Variants in SCNN1B observed in about 807,000 individuals in gnomAD.
SCNN1B encodes the protein epithelial sodium channel subunit beta.
In SCNN1B, 46 loss-of-function variants were observed where a neutral mutation model predicts 65.3. The observed-to-expected ratio is 0.70, with a 90% CI of 0.56 to 0.90. The LOEUF (loss-of-function observed/expected upper bound fraction) is 0.90, where lower values mean the gene tolerates loss of function less well. Ranked by LOEUF, SCNN1B falls within the 40% of genes least tolerant of loss-of-function variation. SCNN1B has a pLI of 0.00. For missense variants in SCNN1B, 751 were observed against 830.5 expected (o/e 0.90, Z 1.18); for synonymous variants, 349 against 330.6 (o/e 1.06, Z -0.60).
chr16:23,333,187 A>T, intron 1 of SCNN1B, among the ~76,000 whole-genome samples: 1 of 138,608 alleles, frequency 7.2e-6, no homozygotes, highest in East Asian at 2.2e-4. Context: ...GGAAGGAAGG[A>T]AGGAAGGAAG....
intron 1 of SCNN1B, among the ~76,000 whole-genome samples, chr16:23,321,700 C>T (rs554547089): frequency 5.3e-5 from 8 of 152,250 alleles, no homozygotes; most frequent in Admixed American, 1.3e-4. Context: ...TTAGGTACTC[C>T]GCGGACGGTG....
intron 1 of SCNN1B, among the ~76,000 whole-genome samples, chr16:23,324,629 C>T (rs1440234035): frequency 6.6e-6 from 1 of 152,186 alleles, no homozygotes; most frequent in African/African-American, 2.4e-5. Flanking sequence ...TGACTCTATT[C>T]TGGAATACCG....
At chr16:23,361,016 G>C (rs1962543183) in intron 4 of SCNN1B, among the ~76,000 whole-genome samples, 1 of 152,014 alleles carries the variant, frequency 6.6e-6, no homozygotes, top group South Asian at 2.1e-4. Context: ...GGATGGTCTT[G>C]ATCTCCTGAC....
chr16:23,292,474 G>A (rs1960939989), intron 2 of SCNN1B, among the ~76,000 whole-genome samples: 1 of 151,810 alleles, frequency 6.6e-6, no homozygotes, highest in Non-Finnish European at 1.5e-5. Flanking sequence ...TGGGATTACA[G>A]GCATAAGCCA....
intron 1 of SCNN1B, among the ~76,000 whole-genome samples, chr16:23,333,144 AGG>A (rs1337516829): frequency 7.9e-4 from 90 of 113,996 alleles, no homozygotes; most frequent in Middle Eastern, 4.4e-3. Flanking sequence ...GGAGGAAGGA[AGG>A]AAAGAAGGAA....
intron 4 of SCNN1B, among the ~76,000 whole-genome samples, chr16:23,359,740 G>A (rs937675116): frequency 6.6e-6 from 1 of 152,190 alleles, no homozygotes; most frequent in African/African-American, 2.4e-5. Flanking sequence ...TGTCAGCTCA[G>A]TATGTGACTG....
chr16:23,300,376 G>A (rs1393554952), upstream of SCNN1B, among the ~76,000 whole-genome samples: 3 of 151,902 alleles, frequency 2.0e-5, no homozygotes, highest in Admixed American at 6.6e-5. Flanking sequence ...AAAAAGCAAT[G>A]GTGGGTCAAG....
At chr16:23,289,142 G>A (rs897044500) in intron 2 of SCNN1B, among the ~76,000 whole-genome samples, 5 of 152,180 alleles carry the variant, frequency 3.3e-5, no homozygotes, top group Admixed American at 1.3e-4. Flanking sequence ...ATCACTGGGG[G>A]CACCTTAGAG....
intron 1 of SCNN1B, among the ~76,000 whole-genome samples, chr16:23,320,393 T>C (rs749097143): frequency 6.6e-6 from 1 of 152,176 alleles, no homozygotes; most frequent in African/African-American, 2.4e-5. Flanking sequence ...CAGCTCTGCA[T>C]TGACTCTCCC....
upstream of SCNN1B, among the ~76,000 whole-genome samples, chr16:23,297,571 T>G (rs1961015861): frequency 6.6e-6 from 1 of 152,224 alleles, no homozygotes; most frequent in Non-Finnish European, 1.5e-5. Context: ...AATGCATTAT[T>G]ATACAGCCTC....
chr16:23,349,483 A>G (rs1262498414), intron 2 of SCNN1B, among the ~76,000 whole-genome samples: 1 of 152,196 alleles, frequency 6.6e-6, no homozygotes, highest in African/African-American at 2.4e-5. Flanking sequence ...AAAAATAATT[A>G]ATTAAAAATA....
At chr16:23,322,751 T>A (rs866932918) in intron 1 of SCNN1B, among the ~76,000 whole-genome samples, 23 of 152,096 alleles carry the variant, frequency 1.5e-4, no homozygotes, top group South Asian at 2.1e-4. Flanking sequence ...GATTTGTGAG[T>A]TTTTAAATGC....
At chr16:23,306,536 A>G (rs1297459979) in intron 1 of SCNN1B, among the ~76,000 whole-genome samples, 1 of 104,502 alleles carries the variant, frequency 9.6e-6, no homozygotes, top group Non-Finnish European at 1.7e-5. Context: ...GAACATAAGT[A>G]AGGGAGGGAG....
Position 23,371,294 on chromosome 16 carries a change from C to T in SCNN1B, c.881-5C>T. On this transcript the variant is annotated splice_region_variant and splice_polypyrimidine_tract_variant and intron_variant, in intron 5 of 12. Coordinates refer to ENST00000343070, the MANE Select transcript of SCNN1B (RefSeq NM_000336.3). ...CAGGCAGCCCTCACCCCACCCTCCC[C>T]ACAGGCCTGAAGTTGATCCTGGACA... 1 of 1,614,022 alleles carries T rather than the reference C, an allele frequency of 6.2e-7. No homozygotes were observed. Among genetic ancestry groups the T allele is most frequent in the East Asian group, 2.2e-5 (1 of 44,870 alleles).
chr16:23,291,769 C>T (rs964485213), intron 2 of SCNN1B, among the ~76,000 whole-genome samples: 20 of 147,848 alleles, frequency 1.4e-4, no homozygotes, highest in Non-Finnish European at 2.4e-4. Context: ...TTAGTAGAGA[C>T]GGGGTTTCAC....
intron 2 of SCNN1B, among the ~76,000 whole-genome samples, chr16:23,349,596 C>A (rs1461523134): frequency 1.3e-5 from 2 of 151,952 alleles, no homozygotes; most frequent in Non-Finnish European, 1.5e-5. Context: ...CCTTGGGCAC[C>A]CTCTGTCTTC....
chr16:23,291,068 C>CA (rs1386734611), intron 2 of SCNN1B, among the ~76,000 whole-genome samples: 3 of 133,276 alleles, frequency 2.3e-5, no homozygotes, highest in East Asian at 2.2e-4. Flanking sequence ...ATTTTTTTTT[C>CA]TTTTTTTTTT....
intron 1 of SCNN1B, among the ~76,000 whole-genome samples, chr16:23,318,868 T>C (rs1305472744): frequency 6.6e-6 from 1 of 152,200 alleles, no homozygotes; most frequent in Non-Finnish European, 1.5e-5. Flanking sequence ...CCTGAAGTCT[T>C]TGGCCTAGGG....
chr16:23,362,247 A>G (rs1962568108), intron 4 of SCNN1B, among the ~76,000 whole-genome samples: 1 of 151,816 alleles, frequency 6.6e-6, no homozygotes, highest in Non-Finnish European at 1.5e-5. Flanking sequence ...AGGGAGGCTG[A>G]GGCAGGAGAG....
Sources: gnomAD v4.1 joint callset for allele counts (sites outside exome capture counted in the v4.1 genomes callset) on GRCh38, gnomAD v4.1.1 for gene constraint, MANE v1.5 for transcripts, NCBI Gene and HGNC (gene_info 2026-07-23, HGNC 2026-07-21) for gene names.